Variants in ACER3 observed in about 807,000 individuals in gnomAD.
ACER3 encodes the protein alkCDase 3.
Under a neutral mutation model 48.9 loss-of-function variants are expected in ACER3, and 16 were observed. The observed-to-expected ratio is 0.33, with a 90% CI of 0.22 to 0.50. ACER3 has a LOEUF of 0.50. Among genes scored for constraint, ACER3 ranks in the 20% least tolerant of loss-of-function variants. The pLI is 0.98. For missense variants in ACER3, 227 were observed against 326.0 expected, an observed-to-expected ratio of 0.70 and a Z score of 2.34; for synonymous variants, 109 against 107.8, an observed-to-expected ratio of 1.01 and a Z score of -0.07.
chr11:77,011,087 G>T (rs1304852159), intron 7 of ACER3, among the ~76,000 whole-genome samples: 10 of 152,178 alleles, frequency 6.6e-5, no homozygotes, highest in African/African-American at 2.4e-4. Context: ...TGCAGGTGAT[G>T]GAAAGGGATT....
chr11:76,948,130 A>C (rs1322910597), intron 2 of ACER3, among the ~76,000 whole-genome samples: 1 of 152,178 alleles, frequency 6.6e-6, no homozygotes, highest in African/African-American at 2.4e-5. Context: ...TTCTAAGAAA[A>C]AAGGTATAAA....
chr11:76,976,134 AC>A (rs1312047842), intron 3 of ACER3, among the ~76,000 whole-genome samples, 154 bp from the exon 4 acceptor site: 1 of 151,956 alleles, frequency 6.6e-6, no homozygotes, highest in Non-Finnish European at 1.5e-5. Context: ...CGATCTTCCA[AC>A]CTTGGCCTCC....
At chr11:76,890,370 T>C (rs61893663) in intron 1 of ACER3, among the ~76,000 whole-genome samples, 116 of 152,218 alleles carry the variant, frequency 7.6e-4, no homozygotes, top group Non-Finnish European at 1.1e-3. Flanking sequence ...GAGTCTAATA[T>C]AGATTAAGTT....
intron 2 of ACER3, among the ~76,000 whole-genome samples, chr11:76,951,664 A>G (rs1947673131): frequency 6.6e-6 from 1 of 152,168 alleles, no homozygotes; most frequent in African/African-American, 2.4e-5. Context: ...TGGATTACCA[A>G]AGGAGAAGGG....
intron 1 of ACER3, among the ~76,000 whole-genome samples, chr11:76,913,354 C>G (rs368621363): frequency 4.6e-5 from 7 of 152,044 alleles, no homozygotes; most frequent in African/African-American, 1.7e-4. Flanking sequence ...AATTGAATAC[C>G]CTTTATTTCT....
At chr11:76,925,209 A>G (rs952420361) in intron 1 of ACER3, among the ~76,000 whole-genome samples, 1 of 152,160 alleles carries the variant, frequency 6.6e-6, no homozygotes, top group Non-Finnish European at 1.5e-5. Context: ...TTCTGTTACT[A>G]CTTTTTGGGC....
intron 2 of ACER3, among the ~76,000 whole-genome samples, chr11:76,947,133 C>T (rs879802166): frequency 2.0e-5 from 3 of 152,204 alleles, no homozygotes; most frequent in African/African-American, 7.2e-5. Context: ...TATTCTGGTT[C>T]CTCTCTGTGG....
intron 6 of ACER3, among the ~76,000 whole-genome samples, chr11:76,995,205 C>G (rs2135245535): frequency 1.3e-5 from 2 of 152,290 alleles, no homozygotes; most frequent in Admixed American, 1.3e-4. Context: ...TTCACTCTCT[C>G]CAGTCACACT....
rs1315237168 is a variant in ACER3, at chr11:77,022,888, AAAAAG to A, written c.*2576_*2580del. Reference sequence around the variant, plus strand: ...CGTCTCAAAAAAAAAAAAAAAAAAAAAAAAGAAAAGAAAAGAAAATATAAGGATGT... The same window carrying A: ...CGTCTCAAAAAAAAAAAAAAAAAAAAAAAAGAAAAGAAAATATAAGGATGT... On this transcript the variant is annotated 3_prime_UTR_variant, in exon 11 of 11. Transcript: ENST00000532485. 13 of 302,602 alleles carry A rather than the reference AAAAAG, an allele frequency of 4.3e-5. No homozygotes were observed. The highest frequency in any genetic ancestry group is 5.6e-5 in the Admixed American group (1 of 17,700). 18.7% of individuals were successfully genotyped at this position (302,602 alleles called of 1,614,324 possible).
intron 3 of ACER3, among the ~76,000 whole-genome samples, chr11:76,969,121 A>G (rs1948222699): frequency 6.6e-6 from 1 of 152,204 alleles, no homozygotes; most frequent in South Asian, 2.1e-4. Flanking sequence ...ACTCCATCAA[A>G]AAGTGGGCAA....
chr11:76,990,497 T>A (rs770885052), intron 5 of ACER3, 42 bp from the exon 6 acceptor site: 28 of 1,346,972 alleles, frequency 2.1e-5, no homozygotes, highest in Admixed American at 1.2e-4. Context: ...CCCCCCTTCA[T>A]AATGTACTTC....
At chr11:76,992,562 T>C (rs950575792) in intron 6 of ACER3, among the ~76,000 whole-genome samples, 1 of 152,198 alleles carries the variant, frequency 6.6e-6, no homozygotes, top group Non-Finnish European at 1.5e-5. Context: ...CACTGTGGCT[T>C]GTGTCCTAGG....
intron 2 of ACER3, among the ~76,000 whole-genome samples, chr11:76,937,933 T>C (rs1283310036): frequency 1.3e-5 from 2 of 152,186 alleles, no homozygotes; most frequent in Non-Finnish European, 2.9e-5. Flanking sequence ...TATATGTTTA[T>C]TGTTGGTAGT....
rs180984519 is a variant in ACER3 at position 77,009,617 on chromosome 11, C to T, written c.498-5399C>T. Among the ~76,000 whole-genome samples, 9 of 152,232 alleles carry T rather than the reference C, an allele frequency of 5.9e-5. No homozygotes were observed. In the East Asian group the frequency reaches 1.7e-3, roughly 29 times the overall value. Reference sequence around the variant, plus strand: ...TTGAGCCCAGGCATTCAAGACCAACCTGGCAAAGAAGTAAGAACCCACTTC... The same window carrying T: ...TTGAGCCCAGGCATTCAAGACCAACTTGGCAAAGAAGTAAGAACCCACTTC... On this transcript the variant is annotated intron_variant, in intron 7 of 10. Coordinates refer to ENST00000532485, the MANE Select transcript of ACER3 (RefSeq NM_018367.7).
At chr11:76,980,334 G>A in intron 4 of ACER3, among the ~76,000 whole-genome samples, 1 of 152,080 alleles carries the variant, frequency 6.6e-6, no homozygotes, top group East Asian at 1.9e-4. Flanking sequence ...TGACTATACT[G>A]AAAAGAATCA....
At chr11:76,962,647 G>A (rs7129147) in intron 3 of ACER3, among the ~76,000 whole-genome samples, 104,953 of 151,170 alleles carry the variant, frequency 0.69, 37,314 homozygotes, top group Non-Finnish European at 0.74. Flanking sequence ...TAGGCTCTTG[G>A]CACCATCACA....
chr11:76,959,844 G>A (rs187913512), intron 3 of ACER3, among the ~76,000 whole-genome samples: 7 of 152,158 alleles, frequency 4.6e-5, no homozygotes, highest in Admixed American at 6.5e-5. Context: ...ATGAGCCACC[G>A]CACCCGGCCG....
chr11:76,937,671 A>G (rs1403386217), intron 2 of ACER3, among the ~76,000 whole-genome samples: 4 of 152,216 alleles, frequency 2.6e-5, no homozygotes, highest in African/African-American at 7.2e-5. Context: ...AAGAAATAAG[A>G]TGAACCAGAA....
chr11:76,874,605 C>G (rs1217431192), intron 1 of ACER3, among the ~76,000 whole-genome samples: 1 of 152,128 alleles, frequency 6.6e-6, no homozygotes, highest in Non-Finnish European at 1.5e-5. Context: ...AGATTACTCT[C>G]AATAACATGA....
Sources: allele counts gnomAD v4.1 joint callset (sites outside exome capture counted in the v4.1 genomes callset), GRCh38; gene constraint gnomAD v4.1.1; transcripts MANE v1.5; gene names NCBI Gene and HGNC (gene_info 2026-07-23, HGNC 2026-07-21).